NCOA1: variants seen among roughly 807,000 people sequenced by gnomAD.
The protein encoded by NCOA1 is Hin-2 protein.
Under a neutral mutation model 150.9 loss-of-function variants are expected in NCOA1, and 35 were observed. That is an observed-to-expected ratio of 0.23 (90% CI 0.18 to 0.31). The LOEUF is 0.31. Ranked by LOEUF, NCOA1 falls within the 10% of genes least tolerant of loss-of-function variation. NCOA1 has a pLI of 1.00. For synonymous variants in NCOA1, 590 were observed against 630.0 expected (o/e 0.94, Z 0.95); for missense variants, 1,491 against 1,749.3 (o/e 0.85, Z 2.63).
chr2:24,763,203 C>T (rs922097940), intron 22 of NCOA1, among the ~76,000 whole-genome samples: 1 of 152,166 alleles, frequency 6.6e-6, no homozygotes, highest in African/African-American at 2.4e-5. Context: ...TGTTTCAAAA[C>T]AGCACAAACA....
At chr2:24,654,520 C>T (rs1426468813) in intron 4 of NCOA1, among the ~76,000 whole-genome samples, 1 of 152,030 alleles carries the variant, frequency 6.6e-6, no homozygotes, top group Admixed American at 6.5e-5. Context: ...ATTCAGATAC[C>T]AAATTACTAA....
At chr2:24,686,718 TAGTTC>T (rs1457598939) in intron 8 of NCOA1, among the ~76,000 whole-genome samples, 2 of 152,176 alleles carry the variant, frequency 1.3e-5, no homozygotes, top group Non-Finnish European at 2.9e-5. Context: ...AACCTATTAG[TAGTTC>T]AGTTAACTTA....
At chr2:24,720,288 TTA>T (rs1340235912) in intron 14 of NCOA1, among the ~76,000 whole-genome samples, 1 of 152,230 alleles carries the variant, frequency 6.6e-6, no homozygotes, top group East Asian at 1.9e-4. Flanking sequence ...GCTTTATTTA[TTA>T]TGGGCCTCTT....
At chr2:24,588,024 C>G (rs1026832592) in intron 3 of NCOA1, among the ~76,000 whole-genome samples, 1 of 152,156 alleles carries the variant, frequency 6.6e-6, no homozygotes, top group Non-Finnish European at 1.5e-5. Flanking sequence ...CATGGCTGAC[C>G]ATGGGACTCT....
intron 11 of NCOA1, among the ~76,000 whole-genome samples, chr2:24,702,732 A>G (rs190628854): frequency 6.6e-6 from 1 of 152,348 alleles, no homozygotes; most frequent in Non-Finnish European, 1.5e-5. Context: ...TGGACACAGG[A>G]ATCAGAGATC....
chr2:24,556,461 C>A (rs1008373221), intron 1 of NCOA1, among the ~76,000 whole-genome samples: 7 of 152,136 alleles, frequency 4.6e-5, no homozygotes, highest in African/African-American at 7.2e-5. Flanking sequence ...CATACGCTTG[C>A]ATGTTTATGG....
In NCOA1 at chr2:24,768,696, T is replaced by G. The variant is rs1372803285; in HGVS notation, c.*305T>G. The G allele has an allele frequency of 4.2e-6, 1 of 238,006 alleles. No homozygotes were observed. Among genetic ancestry groups the G allele is most frequent in the Non-Finnish European group, 8.2e-6 (1 of 121,694 alleles). 14.7% of individuals were successfully genotyped at this position (238,006 alleles called of 1,614,324 possible). ...ATTTTTGTAATCAGTCATTGGCTTCTTATCTGGATGAAGGCTTTTGGAGGA... is the reference window on the plus strand; with the variant it reads ...ATTTTTGTAATCAGTCATTGGCTTCGTATCTGGATGAAGGCTTTTGGAGGA... On this transcript the variant is annotated 3_prime_UTR_variant, in exon 23 of 23. Coordinates refer to ENST00000348332, the MANE Select transcript of NCOA1 (RefSeq NM_003743.5).
intron 12 of NCOA1, among the ~76,000 whole-genome samples, chr2:24,705,996 CT>C (rs202033345): frequency 2.0e-5 from 3 of 150,986 alleles, no homozygotes; most frequent in Non-Finnish European, 3.0e-5. Context: ...TAGCACAGTT[CT>C]TTTTTTTTCA....
At chr2:24,539,170 A>C (rs1226055786) in intron 1 of NCOA1, among the ~76,000 whole-genome samples, 2 of 152,060 alleles carry the variant, frequency 1.3e-5, no homozygotes, top group Non-Finnish European at 2.9e-5. Context: ...CACAAAATTG[A>C]TGAAGCTGGT....
Position 24,678,471 on chromosome 2 carries a change from T to C in NCOA1, c.355-4480T>C, listed in dbSNP as rs148004932. On this transcript the variant is annotated intron_variant, in intron 7 of 22. Transcript: ENST00000348332. ...TCTTTGAGGAATCACCACACTGCCT[T>C]CCACAATGGTTAAACTAATTTATAC... Among the ~76,000 whole-genome samples the C allele has an allele frequency of 1.6e-3, 241 of 152,348 alleles. 1 individual carries two copies. Among genetic ancestry groups the C allele is most frequent in the African/African-American group, 5.4e-3 (224 of 41,584 alleles).
intron 1 of NCOA1, among the ~76,000 whole-genome samples, chr2:24,532,034 T>G (rs1201611069): frequency 1.3e-5 from 2 of 152,248 alleles, no homozygotes; most frequent in Admixed American, 6.5e-5. Context: ...ATTGCTACAC[T>G]GTTTTACACA....
intron 1 of NCOA1, among the ~76,000 whole-genome samples, chr2:24,516,186 CTTTTTTTTTTT>C (rs755818385): frequency 8.6e-5 from 8 of 93,012 alleles, no homozygotes; most frequent in Non-Finnish European, 1.4e-4. Flanking sequence ...TAGGTTTTGC[CTTTTTTTTTTT>C]TTTTTTTTTT....
intron 5 of NCOA1, among the ~76,000 whole-genome samples, chr2:24,664,333 G>A (rs1285504498): frequency 1.3e-5 from 2 of 152,082 alleles, no homozygotes; most frequent in East Asian, 3.8e-4. Context: ...GTTTTGTGTA[G>A]GTAAATACAT....
At chr2:24,601,835 C>T (rs541610498) in intron 3 of NCOA1, among the ~76,000 whole-genome samples, 16 of 151,536 alleles carry the variant, frequency 1.1e-4, no homozygotes, top group African/African-American at 3.1e-4. Context: ...AGGGTTTCAC[C>T]GTGTTGCCCA....
chr2:24,626,833 ACTATT>A (rs1344582472), intron 3 of NCOA1, among the ~76,000 whole-genome samples: 1 of 152,148 alleles, frequency 6.6e-6, no homozygotes, highest in African/African-American at 2.4e-5. Context: ...CTTCTTAATC[ACTATT>A]CTAAAGTATC....
At chr2:24,576,165 TTTTTG>T (rs1223321646) in intron 2 of NCOA1, among the ~76,000 whole-genome samples, 120 of 88,626 alleles carry the variant, frequency 1.4e-3, no homozygotes, top group African/African-American at 2.9e-3. Context: ...TTTTTTTTGT[TTTTTG>T]TTTTTTTTTT....
At chr2:24,638,256 G>A (rs148994927) in intron 3 of NCOA1, among the ~76,000 whole-genome samples, 199 of 137,950 alleles carry the variant, frequency 1.4e-3, no homozygotes, top group Non-Finnish European at 2.4e-3. Context: ...TCTGTTCCTG[G>A]CTTATTTCAC....
intron 11 of NCOA1, among the ~76,000 whole-genome samples, chr2:24,703,324 G>A (rs1673256463): frequency 6.6e-6 from 1 of 152,166 alleles, no homozygotes; most frequent in African/African-American, 2.4e-5. Flanking sequence ...TTAGTTAACT[G>A]GAGAGTCTTA....
intron 3 of NCOA1, among the ~76,000 whole-genome samples, chr2:24,608,712 T>G (rs1441247931): frequency 3.3e-5 from 5 of 150,704 alleles, no homozygotes; most frequent in South Asian, 2.1e-4. Context: ...GTGTTTTTTT[T>G]TTTTTTTTTT....
Sources: gnomAD v4.1 joint callset for allele counts (sites outside exome capture counted in the v4.1 genomes callset) on GRCh38, gnomAD v4.1.1 for gene constraint, MANE v1.5 for transcripts, NCBI Gene and HGNC (gene_info 2026-07-23, HGNC 2026-07-21) for gene names.